SYT9: variants seen among roughly 807,000 people sequenced by gnomAD.
SYT9 encodes the protein synaptotagmin 9.
SYT9 carries 22 observed loss-of-function variants against 48.4 expected under a neutral mutation model. That is an observed-to-expected ratio of 0.45 (90% CI 0.32 to 0.65). The LOEUF is 0.65. Ranked by LOEUF, SYT9 falls within the 30% of genes least tolerant of loss-of-function variation. SYT9 has a pLI of 0.03. For synonymous variants in SYT9, 265 were observed against 245.0 expected, an observed-to-expected ratio of 1.08 and a Z score of -0.76; for missense variants, 577 against 622.0, an observed-to-expected ratio of 0.93 and a Z score of 0.77.
intron 3 of SYT9, among the ~76,000 whole-genome samples, chr11:7,408,289 C>T (rs969141782): frequency 5.3e-5 from 8 of 152,016 alleles, no homozygotes; most frequent in South Asian, 2.1e-4. Context: ...CCACCATGCC[C>T]GGCTAATTTT....
chr11:7,341,587 T>C (rs2133990348), intron 3 of SYT9, among the ~76,000 whole-genome samples: 1 of 152,332 alleles, frequency 6.6e-6, no homozygotes, highest in Non-Finnish European at 1.5e-5. Flanking sequence ...ACTGAATCCA[T>C]TAAACCTCTT....
intron 3 of SYT9, among the ~76,000 whole-genome samples, chr11:7,396,795 C>T (rs1846762972): frequency 6.6e-6 from 1 of 152,082 alleles, no homozygotes; most frequent in Non-Finnish European, 1.5e-5. Context: ...AGCAATATCT[C>T]ACTATGGTTC....
intron 1 of SYT9, among the ~76,000 whole-genome samples, chr11:7,246,057 T>G (rs1847787462): frequency 6.6e-6 from 1 of 152,220 alleles, no homozygotes; most frequent in Non-Finnish European, 1.5e-5. Context: ...TGCACTTTTT[T>G]TTTTCAGTTA....
intron 3 of SYT9, among the ~76,000 whole-genome samples, chr11:7,352,303 G>A (rs1197855529): frequency 6.6e-6 from 1 of 152,128 alleles, no homozygotes; most frequent in Non-Finnish European, 1.5e-5. Context: ...CATCAGAGAT[G>A]GAGAGGAGAT....
Position 7,376,380 on chromosome 11 carries a change from C to T in SYT9, c.1045-39662C>T, listed in dbSNP as rs374693685. Among the ~76,000 whole-genome samples the T allele has an allele frequency of 6.6e-5, 10 of 150,874 alleles. 1 individual carries two copies. In the East Asian group the frequency reaches 1.9e-3, roughly 29 times the overall value. ...TCCTTCCTTCCTTCCTCCTCCCCTC[C>T]CCTCTCCTCTCCTCTCCTCTCCTTT... On this transcript the variant is annotated intron_variant, in intron 3 of 6. Transcript: ENST00000318881.
chr11:7,430,260 T>G (rs758258192), intron 6 of SYT9, among the ~76,000 whole-genome samples: 1 of 152,232 alleles, frequency 6.6e-6, no homozygotes, highest in Non-Finnish European at 1.5e-5. Context: ...TAAAATGTGA[T>G]GATATTGATA....
intron 3 of SYT9, among the ~76,000 whole-genome samples, chr11:7,346,302 T>A (rs796696622): frequency 2.6e-5 from 4 of 152,230 alleles, no homozygotes; most frequent in African/African-American, 9.6e-5. Flanking sequence ...GAGCCAGTAG[T>A]GGGGAAGCCT....
In SYT9 at chr11:7,467,947, C is replaced by A. The variant is rs1848361137; in HGVS notation, c.*1147C>A. On this transcript the variant is annotated 3_prime_UTR_variant, in exon 7 of 7. Coordinates refer to ENST00000318881, the MANE Select transcript of SYT9 (RefSeq NM_175733.4). ...TTCATTACTCAGCTTCCTTCCTGAC[C>A]AAGTCTGCCAACCAATGGCCAGCTA... 4.1e-6 allele frequency: 1 copy of A among 244,280 alleles called. No individual in the cohort carries two copies. The highest frequency in any genetic ancestry group is 7.8e-6 in the Non-Finnish European group (1 of 128,536). 15.1% of individuals were successfully genotyped at this position (244,280 alleles called of 1,614,324 possible).
chr11:7,366,912 ATATAT>A (rs1239066822), intron 3 of SYT9, among the ~76,000 whole-genome samples: 1 of 151,836 alleles, frequency 6.6e-6, no homozygotes, highest in Non-Finnish European at 1.5e-5. Flanking sequence ...ATTAGCTTTA[ATATAT>A]TATAAATTTT....
intron 3 of SYT9, among the ~76,000 whole-genome samples, chr11:7,410,728 G>A (rs1305683914): frequency 6.6e-6 from 1 of 152,170 alleles, no homozygotes; most frequent in African/African-American, 2.4e-5. Flanking sequence ...TACTTTGGGT[G>A]TATATGTATC....
intron 1 of SYT9, 33 bp from the exon 2 acceptor site, chr11:7,303,006 C>T: frequency 1.9e-6 from 3 of 1,592,224 alleles, no homozygotes; most frequent in Non-Finnish European, 2.6e-6. Flanking sequence ...AGGGGAATGA[C>T]CACACTGACC....
intron 3 of SYT9, among the ~76,000 whole-genome samples, chr11:7,340,277 T>C (rs1036811995): frequency 2.6e-5 from 4 of 152,210 alleles, no homozygotes; most frequent in African/African-American, 9.6e-5. Flanking sequence ...ATTGTGATTC[T>C]TAGTTTTCTT....
At chr11:7,292,895 C>G (rs1268894293) in intron 1 of SYT9, among the ~76,000 whole-genome samples, 1 of 152,054 alleles carries the variant, frequency 6.6e-6, no homozygotes, top group Admixed American at 6.6e-5. Flanking sequence ...AAGCAGAAAC[C>G]CAGTAGCAAA....
intron 1 of SYT9, among the ~76,000 whole-genome samples, chr11:7,244,085 C>T (rs953809157): frequency 6.6e-6 from 1 of 152,274 alleles, no homozygotes. Context: ...CCACGAGAAT[C>T]TACTAAGAGA....
chr11:7,249,221 A>G (rs1410855641), upstream of SYT9, among the ~76,000 whole-genome samples: 1 of 152,198 alleles, frequency 6.6e-6, no homozygotes, highest in Non-Finnish European at 1.5e-5. Context: ...TCTGTATGAT[A>G]TTCTTTCTCC....
At chr11:7,324,356 T>A (rs929775692) in intron 3 of SYT9, among the ~76,000 whole-genome samples, 3 of 151,938 alleles carry the variant, frequency 2.0e-5, no homozygotes, top group Admixed American at 6.6e-5. Flanking sequence ...CCTTTTCAAA[T>A]AACCAACTTT....
At chr11:7,380,399 A>G (rs1446261770) in intron 3 of SYT9, among the ~76,000 whole-genome samples, 1 of 152,140 alleles carries the variant, frequency 6.6e-6, no homozygotes, top group Non-Finnish European at 1.5e-5. Context: ...CAATAACTTA[A>G]TGTACATTTT....
chr11:7,384,041 T>C (rs1457683816), intron 3 of SYT9, among the ~76,000 whole-genome samples: 1 of 147,040 alleles, frequency 6.8e-6, no homozygotes, highest in Non-Finnish European at 1.5e-5. Flanking sequence ...AAGATGAAGA[T>C]TTAGCTCTTA....
At chr11:7,315,164 G>A (rs188119755) in intron 3 of SYT9, among the ~76,000 whole-genome samples, 1 of 152,334 alleles carries the variant, frequency 6.6e-6, no homozygotes, top group East Asian at 1.9e-4. Flanking sequence ...GCTGGATAAG[G>A]TGCAGAGAAT....
Sources: gnomAD v4.1 joint callset for allele counts (sites outside exome capture counted in the v4.1 genomes callset) on GRCh38, gnomAD v4.1.1 for gene constraint, MANE v1.5 for transcripts, NCBI Gene and HGNC (gene_info 2026-07-23, HGNC 2026-07-21) for gene names.